Variants in SAMD8 observed in about 807,000 individuals in gnomAD.
SAMD8 encodes sterile alpha motif domain containing 8, also known as sphingomyelin synthase-related protein 1.
In SAMD8, 20 loss-of-function variants were observed where a neutral mutation model predicts 42.0. The ratio of observed to expected loss-of-function variants is 0.48; its 90% CI spans 0.34 to 0.69. The LOEUF is 0.69. SAMD8 is among the 30% of genes least tolerant of loss of function. The pLI is 0.01. For synonymous variants in SAMD8, 162 were observed against 173.0 expected (o/e 0.94, Z 0.50); for missense variants, 328 against 511.6 (o/e 0.64, Z 3.46).
intron 4 of SAMD8, among the ~76,000 whole-genome samples, chr10:75,172,107 G>A (rs946844761): frequency 3.3e-5 from 5 of 151,920 alleles, no homozygotes; most frequent in African/African-American, 7.3e-5. Flanking sequence ...ACATGTATGC[G>A]TGTCAGCTTT....
At chr10:75,120,196 C>T (rs978376606) in intron 1 of SAMD8, among the ~76,000 whole-genome samples, 3 of 152,188 alleles carry the variant, frequency 2.0e-5, no homozygotes, top group African/African-American at 7.2e-5. Context: ...GGAAGTTTCC[C>T]AATTCCCAAA....
At position 75,181,065 on chromosome 10, in the gene SAMD8, AAT is replaced by A. The variant is rs1307907972; in HGVS notation, c.*4377_*4378del. ...TTTTCTTCATACTAAAGGTAATGAT[AAT>A]ATAGTCATTTGCCAGTACTTTAAGG... On this transcript the variant is annotated 3_prime_UTR_variant, in exon 6 of 6. Transcript: ENST00000542569. The A allele has an allele frequency of 6.6e-6, 1 of 152,224 alleles. No homozygotes were observed. The highest frequency in any genetic ancestry group is 1.5e-5 in the Non-Finnish European group (1 of 68,036). The allele number at this position is 152,224 out of a possible 1,614,324, so 9.4% of individuals were successfully genotyped here. A position where few individuals can be genotyped will look rare whatever the true frequency, so the allele number is the denominator to read the frequency against.
chr10:75,137,075 G>A (rs942529626), intron 1 of SAMD8, among the ~76,000 whole-genome samples: 6 of 152,112 alleles, frequency 3.9e-5, no homozygotes, highest in Non-Finnish European at 5.9e-5. Context: ...CCACTTCTAG[G>A]TATATACCTG....
intron 1 of SAMD8, among the ~76,000 whole-genome samples, chr10:75,120,883 C>T (rs553509191): frequency 5.4e-4 from 78 of 144,520 alleles, no homozygotes; most frequent in Non-Finnish European, 9.7e-4. Flanking sequence ...CAGGTTCAAG[C>T]GATTCTCTTG....
chr10:75,132,276 C>T (rs1244192377), intron 1 of SAMD8, among the ~76,000 whole-genome samples: 4 of 152,184 alleles, frequency 2.6e-5, no homozygotes, highest in Non-Finnish European at 4.4e-5. Context: ...CTACAAGTAG[C>T]GTTCTGATTA....
At chr10:75,146,886 T>G (rs1840149972) in intron 1 of SAMD8, among the ~76,000 whole-genome samples, 1 of 152,212 alleles carries the variant, frequency 6.6e-6, no homozygotes, top group Admixed American at 6.5e-5. Flanking sequence ...TCATGCAGGC[T>G]TTCACAGGGT....
intron 1 of SAMD8, among the ~76,000 whole-genome samples, chr10:75,137,658 CTAGAA>C (rs1839922013): frequency 6.6e-6 from 1 of 151,998 alleles, no homozygotes; most frequent in African/African-American, 2.4e-5. Context: ...TGTGAAATAT[CTAGAA>C]TAGGGAAATT....
At chr10:75,160,903 A>G (rs985134489) in intron 2 of SAMD8, among the ~76,000 whole-genome samples, 1 of 152,188 alleles carries the variant, frequency 6.6e-6, no homozygotes, top group African/African-American at 2.4e-5. Flanking sequence ...CCCTTTCTCT[A>G]CAAAAAATAC....
chr10:75,112,526 A>G (rs1848796926), intron 1 of SAMD8, among the ~76,000 whole-genome samples: 1 of 152,178 alleles, frequency 6.6e-6, no homozygotes, highest in Non-Finnish European at 1.5e-5. Context: ...TGATTTGCCT[A>G]AAGGACTGGG....
rs1589943592 is a variant in SAMD8, at chr10:75,129,950, G to A, written c.-16+18228G>A. On this transcript the variant is annotated intron_variant, in intron 1 of 5. Coordinates refer to ENST00000542569, the MANE Select transcript of SAMD8 (RefSeq NM_001174156.2). ...CACTAGCAAGATGTGATGACCAAGT[G>A]TAATACATGAACCTAAATTGAATCC... Among the ~76,000 whole-genome samples, 3 of 152,268 alleles carry A rather than the reference G, an allele frequency of 2.0e-5. 1 individual carries two copies. Among genetic ancestry groups the A allele is most frequent in the Admixed American group, 6.5e-5 (1 of 15,296 alleles).
chr10:75,134,229 C>T (rs1353068064), intron 1 of SAMD8, among the ~76,000 whole-genome samples: 1 of 152,088 alleles, frequency 6.6e-6, no homozygotes. Context: ...ATAGCTAATG[C>T]GTGCAGGGCT....
chr10:75,123,928 A>G (rs988605108), intron 1 of SAMD8, among the ~76,000 whole-genome samples: 1 of 152,048 alleles, frequency 6.6e-6, no homozygotes, highest in Non-Finnish European at 1.5e-5. Context: ...GAGTTTCACC[A>G]TGTTGCCCAG....
At position 75,101,843 on chromosome 10, in the gene SAMD8, C is replaced by A. The variant is rs375855049; in HGVS notation, c.-16+2115C>A. On this transcript the variant is annotated intron_variant, in intron 1 of 3. Coordinates refer to the SAMD8 transcript ENST00000447533. ...TGCTCAGGGACCACATCCTACCCCC[C>A]CCAAATTAGGAGCACTCACCCACCT... The A allele has an allele frequency of 2.3e-4, 308 of 1,361,976 alleles. 1 individual carries two copies. The East Asian group carries it at 8.1e-3, about 36-fold the overall frequency. 84.4% of individuals were successfully genotyped at this position (1,361,976 alleles called of 1,614,324 possible).
chr10:75,168,558 G>T lies in SAMD8; in HGVS notation c.692G>T (p.Arg231Met). ...TGTTACAGGTCAATACTTCTGCGAA[G>T]GCTCTGTAGTCTGATGGGAACTGTA... is the stretch of plus-strand genomic sequence containing the variant. Reference protein sequence around the residue: ...LHKHRSILLRRLCSLMGTVFL... With the variant: ...LHKHRSILLRMLCSLMGTVFL... Residue 231 changes from arginine to methionine, a missense_variant, in exon 4 of 6, where the codon AGG (arginine) becomes ATG (methionine). Physicochemically the swap from Arg to Met is moderately conservative, Grantham distance 91 (BLOSUM62 -1). Transcript: ENST00000542569. 1 of 1,613,704 alleles carries T rather than the reference G, an allele frequency of 6.2e-7. No individual in the cohort carries two copies. The highest frequency in any genetic ancestry group is 8.5e-7 in the Non-Finnish European group (1 of 1,179,744).
intron 1 of SAMD8, among the ~76,000 whole-genome samples, chr10:75,135,921 A>G (rs1839877593): frequency 6.6e-6 from 1 of 152,046 alleles, no homozygotes; most frequent in African/African-American, 2.4e-5. Context: ...TTATTTAATA[A>G]ATGTTTATTG....
intron 1 of SAMD8, among the ~76,000 whole-genome samples, chr10:75,133,018 G>A (rs777345739): frequency 2.6e-5 from 4 of 151,914 alleles, no homozygotes; most frequent in Non-Finnish European, 4.4e-5. Flanking sequence ...AAAAAGGCAG[G>A]TTTTTGTTTT....
At chr10:75,101,921 C>T (rs774281610) in intron 1 of SAMD8, 1 of 1,367,750 alleles carries the variant, frequency 7.3e-7, no homozygotes, top group South Asian at 1.1e-5. Context: ...GTTCGTGCTG[C>T]TGGCTTTCAG....
Position 75,150,810 on chromosome 10 carries a change from G to A in SAMD8, c.282G>A (p.Met94Ile). 6.2e-7 allele frequency: 1 copy of A among 1,614,162 alleles called. No individual in the cohort carries two copies. Among genetic ancestry groups the A allele is most frequent in the South Asian group, 1.1e-5 (1 of 91,086 alleles). The change falls in exon 2 of 6, where the codon ATG becomes ATA. Residue 94 changes from methionine (M) to isoleucine (I), a missense_variant. This residue lies in a region of SAMD8 where 150 missense variants were observed against 186.0 expected (regional missense o/e 0.81). Coordinates refer to ENST00000542569, the MANE Select transcript of SAMD8 (RefSeq NM_001174156.2). ...TGGGCTACAACAGTGACAGTCCCAT[G>A]GGTTCCATGACCCCTTTCATCAGTG... is the stretch of plus-strand genomic sequence containing the variant. ...EEMGYNSDSP[M>I]GSMTPFISAL...
At chr10:75,129,789 A>G (rs1849233364) in intron 1 of SAMD8, among the ~76,000 whole-genome samples, 2 of 152,198 alleles carry the variant, frequency 1.3e-5, no homozygotes. Context: ...CCTTGACATC[A>G]TAGTATAGTG....
Sources: allele counts gnomAD v4.1 joint callset (sites outside exome capture counted in the v4.1 genomes callset), GRCh38; gene constraint gnomAD v4.1.1; regional missense constraint gnomAD v4.1.1; transcripts MANE v1.5; gene names NCBI Gene and HGNC (gene_info 2026-07-23, HGNC 2026-07-21).